STXBP5L: variants seen among roughly 807,000 people sequenced by gnomAD.
The protein encoded by STXBP5L is syntaxin binding protein 5L.
STXBP5L carries 65 observed loss-of-function variants against 144.5 expected under a neutral mutation model. That is an observed-to-expected ratio of 0.45 (90% CI 0.37 to 0.55). The LOEUF (loss-of-function observed/expected upper bound fraction) is 0.55. STXBP5L is among the 20% of genes least tolerant of loss of function. The pLI is 0.00. For synonymous variants in STXBP5L, 505 were observed against 469.6 expected (o/e 1.08, Z -0.97); for missense variants, 1,298 against 1,405.5 (o/e 0.92, Z 1.22).
intron 5 of STXBP5L, among the ~76,000 whole-genome samples, chr3:121,057,307 A>G: frequency 6.6e-6 from 1 of 151,992 alleles, no homozygotes; most frequent in Non-Finnish European, 1.5e-5. Context: ...AGTATATTCT[A>G]AAGGATCACT....
chr3:121,005,204 TATTA>T (rs1350030228), intron 3 of STXBP5L, among the ~76,000 whole-genome samples: 5 of 152,228 alleles, frequency 3.3e-5, no homozygotes, highest in Admixed American at 2.0e-4. Context: ...GTTGGTAGGC[TATTA>T]ATTATTGCCT....
At chr3:120,979,279 C>T (rs549587058) in intron 3 of STXBP5L, among the ~76,000 whole-genome samples, 33 of 152,276 alleles carry the variant, frequency 2.2e-4, no homozygotes, top group Non-Finnish European at 2.1e-4. Context: ...GCCTCACTGC[C>T]GCCTTGCAGT....
intron 5 of STXBP5L, among the ~76,000 whole-genome samples, chr3:121,110,422 G>A (rs542268635): frequency 6.6e-6 from 1 of 152,248 alleles, no homozygotes; most frequent in East Asian, 1.9e-4. Context: ...GATGGGCCTG[G>A]TGGTGACAAA....
At chr3:121,065,699 G>T (rs772502411) in intron 5 of STXBP5L, among the ~76,000 whole-genome samples, 46 of 152,268 alleles carry the variant, frequency 3.0e-4, no homozygotes, top group Non-Finnish European at 6.0e-4. Context: ...CTACAGGCAT[G>T]TGCCACCATG....
At chr3:121,371,109 C>G (rs573113618) in intron 20 of STXBP5L, among the ~76,000 whole-genome samples, 1 of 152,156 alleles carries the variant, frequency 6.6e-6, no homozygotes, top group Non-Finnish European at 1.5e-5. Context: ...GGAGTTCTTG[C>G]AGTAGTTCTT....
intron 1 of STXBP5L, among the ~76,000 whole-genome samples, chr3:120,908,856 A>G (rs1708673650): frequency 1.4e-5 from 1 of 72,602 alleles, no homozygotes; most frequent in African/African-American, 5.5e-5. Context: ...GCGGGGAGGG[A>G]GATGAGGGGG....
At chr3:121,404,309 A>G (rs527979806) in intron 22 of STXBP5L, among the ~76,000 whole-genome samples, 4 of 152,194 alleles carry the variant, frequency 2.6e-5, no homozygotes, top group South Asian at 4.2e-4. Flanking sequence ...ATACACTCAG[A>G]TTCTGACATT....
At chr3:121,280,887 G>A (rs564355728) in intron 19 of STXBP5L, among the ~76,000 whole-genome samples, 2 of 151,008 alleles carry the variant, frequency 1.3e-5, no homozygotes, top group South Asian at 2.1e-4. Context: ...ACCAGTCTAC[G>A]TAACATAGTG....
intron 5 of STXBP5L, among the ~76,000 whole-genome samples, chr3:121,100,841 CA>C (rs764120031): frequency 1.3e-5 from 2 of 150,560 alleles, no homozygotes; most frequent in African/African-American, 2.4e-5. Context: ...ATTGGTAGAA[CA>C]CTAGCTAGAT....
At chr3:121,361,692 C>T (rs757017277) in intron 20 of STXBP5L, among the ~76,000 whole-genome samples, 16 of 151,746 alleles carry the variant, frequency 1.1e-4, no homozygotes, top group Non-Finnish European at 2.2e-4. Flanking sequence ...GAATTCCTTC[C>T]CTATGTTATC....
At chr3:121,038,607 G>A (rs1424268051) in intron 3 of STXBP5L, among the ~76,000 whole-genome samples, 1 of 151,680 alleles carries the variant, frequency 6.6e-6, no homozygotes, top group Non-Finnish European at 1.5e-5. Context: ...ATGCCAATTG[G>A]GACAAGTTGG....
chr3:121,234,216 C>T (rs2049396936), intron 12 of STXBP5L, among the ~76,000 whole-genome samples: 1 of 152,094 alleles, frequency 6.6e-6, no homozygotes. Flanking sequence ...TCTAACTGTA[C>T]ATTTTTATTA....
At chr3:121,099,381 C>T (rs1399384754) in intron 5 of STXBP5L, 1 of 152,208 alleles carries the variant, frequency 6.6e-6, no homozygotes, top group Non-Finnish European at 1.5e-5. Context: ...ACAGCCTGAT[C>T]TCTTGGTTAC....
In STXBP5L at chr3:121,399,977, G is replaced by T. The variant is rs1023635202; in HGVS notation, c.2588-7266G>T. Among the ~76,000 whole-genome samples, 6 of 152,214 alleles carry T rather than the reference G, an allele frequency of 3.9e-5. No individual in the cohort carries two copies. The South Asian group carries it at 1.0e-3, about 26-fold the overall frequency. ...TTTCTGATTCAGTAGGTCTGAGGGA[G>T]GGTCTGAGAATTTGCATTTTTAGCA... On this transcript the variant is annotated intron_variant, in intron 22 of 26. Transcript: ENST00000471454.
At chr3:120,970,140 T>C (rs928241446) in intron 3 of STXBP5L, among the ~76,000 whole-genome samples, 4 of 152,122 alleles carry the variant, frequency 2.6e-5, no homozygotes, top group Admixed American at 6.6e-5. Flanking sequence ...ATATTATCTG[T>C]TTCTTAACCA....
intron 3 of STXBP5L, among the ~76,000 whole-genome samples, chr3:121,000,958 G>A (rs1943724395): frequency 6.6e-6 from 1 of 152,158 alleles, no homozygotes; most frequent in Admixed American, 6.5e-5. Context: ...TTTGTTCTCT[G>A]GCTTCTCAAA....
intron 19 of STXBP5L, among the ~76,000 whole-genome samples, chr3:121,290,631 G>C (rs1427167835): frequency 1.3e-5 from 2 of 152,072 alleles, no homozygotes; most frequent in South Asian, 4.1e-4. Flanking sequence ...TGATATCCCT[G>C]GTGAACGTAC....
chr3:121,102,374 A>T (rs56106401), intron 5 of STXBP5L, among the ~76,000 whole-genome samples: 1 of 151,976 alleles, frequency 6.6e-6, no homozygotes, highest in East Asian at 1.9e-4. Flanking sequence ...AGATAGACCA[A>T]TGGAACAGAA....
intron 23 of STXBP5L, among the ~76,000 whole-genome samples, chr3:121,407,997 T>G (rs764024588): frequency 4.6e-5 from 7 of 152,040 alleles, no homozygotes; most frequent in Non-Finnish European, 2.9e-5. Flanking sequence ...TGTTTGATAC[T>G]TCACCCAAGA....
Sources: allele counts gnomAD v4.1 joint callset (sites outside exome capture counted in the v4.1 genomes callset), GRCh38; gene constraint gnomAD v4.1.1; transcripts MANE v1.5; gene names NCBI Gene and HGNC (gene_info 2026-07-23, HGNC 2026-07-21).